Variants in SBF2 observed in about 807,000 individuals in gnomAD.
SBF2 encodes SET binding factor 2, also known as myotubularin-related protein 13.
A neutral mutation model predicts 225.2 loss-of-function variants in SBF2; 112 were observed. That is an observed-to-expected ratio of 0.50 (90% CI 0.43 to 0.58). SBF2 has a LOEUF of 0.58. Ranked by LOEUF, SBF2 falls within the 20% of genes least tolerant of loss-of-function variation. The probability of loss-of-function intolerance (pLI) is 0.00; values close to 1 mark genes in which losing one functional copy is unlikely to be tolerated. For synonymous variants in SBF2, 763 were observed against 773.3 expected (o/e 0.99, Z 0.22); for missense variants, 1,996 against 2,206.2 (o/e 0.90, Z 1.91).
chr11:10,071,041 C>T (rs547060575), intron 2 of SBF2, among the ~76,000 whole-genome samples: 1 of 152,278 alleles, frequency 6.6e-6, no homozygotes, highest in South Asian at 2.1e-4. Flanking sequence ...AGCTGCCTAT[C>T]AGCTTAAGGA....
chr11:9,990,738 T>G (rs992458915), intron 12 of SBF2, among the ~76,000 whole-genome samples: 1 of 152,136 alleles, frequency 6.6e-6, no homozygotes, highest in Admixed American at 6.5e-5. Context: ...AGACTATATT[T>G]GTACAAACAA....
In SBF2 at chr11:10,161,711, C is replaced by A. The variant is rs566221902; in HGVS notation, c.141+32191G>T. Among the ~76,000 whole-genome samples the A allele has an allele frequency of 2.0e-5, 3 of 151,498 alleles. No individual in the cohort carries two copies. The South Asian group carries it at 6.2e-4, about 31-fold the overall frequency. ...TTTTTAAAAGGAGGAAGAGGGTGGG[C>A]GTGGTGGCTCACGCCAGTAATCCCA... On this transcript the variant is annotated intron_variant, in intron 2 of 39. Transcript: ENST00000256190.
intron 2 of SBF2, among the ~76,000 whole-genome samples, chr11:10,176,457 G>GA (rs1956467897): frequency 6.6e-6 from 1 of 151,022 alleles, no homozygotes; most frequent in South Asian, 2.1e-4. Flanking sequence ...GACTAATAAA[G>GA]AAAAAAAGAG....
chr11:10,071,263 C>CTTTT lies in SBF2; in HGVS notation c.142-28283_142-28282insAAAA, dbSNP rs774979361. The stretch of plus-strand genomic sequence containing the variant: ...CGGTTTTCTCTTTTTTTCTCTCTCT[C>CTTTT]TCTTTTTTTTTTTTTTTTTTTGAGA... On this transcript the variant is annotated intron_variant, in intron 2 of 39. Coordinates refer to ENST00000256190, the MANE Select transcript of SBF2 (RefSeq NM_030962.4). 3.5e-3 allele frequency among the ~76,000 whole-genome samples: 432 copies of CTTTT among 124,796 alleles called. 7 individuals carry two copies. The highest frequency in any genetic ancestry group is 7.2e-3 in the Admixed American group (72 of 10,014). 81.9% of individuals were successfully genotyped at this position (124,796 alleles called of 152,430 possible). A position where few individuals can be genotyped will look rare whatever the true frequency, so the allele number is the denominator to read the frequency against.
At chr11:10,042,802 T>C (rs921759642) in intron 3 of SBF2, 42 bp downstream of exon 3, 7 of 1,606,538 alleles carry the variant, frequency 4.4e-6, no homozygotes, top group Non-Finnish European at 5.1e-6. Flanking sequence ...TTCCTAAATG[T>C]TGTACCTTCG....
chr11:10,121,840 T>A (rs1389734929), intron 2 of SBF2, among the ~76,000 whole-genome samples: 1 of 152,216 alleles, frequency 6.6e-6, no homozygotes, highest in Non-Finnish European at 1.5e-5. Context: ...ATGAAATCTG[T>A]CACCACTCCA....
At chr11:9,794,117 G>C (rs2133868540) in intron 33 of SBF2, among the ~76,000 whole-genome samples, 1 of 152,234 alleles carries the variant, frequency 6.6e-6, no homozygotes, top group South Asian at 2.1e-4. Context: ...CAGTGGCAGA[G>C]GTTGCAGTGA....
chr11:10,231,082 T>C lies in SBF2; in HGVS notation c.56-37095A>G, dbSNP rs529284392. 1.4e-3 allele frequency among the ~76,000 whole-genome samples: 209 copies of C among 152,322 alleles called. 2 individuals are homozygous for C. Among genetic ancestry groups the C allele is most frequent in the Admixed American group, 3.7e-3 (56 of 15,286 alleles). On this transcript the variant is annotated intron_variant, in intron 1 of 39. Transcript: ENST00000256190. The stretch of plus-strand genomic sequence containing the variant: ...ATTTCATCTTCCATCGCTGATACCC[T>C]TTCTTCCAGTTGATCGAATCGGCTA...
Position 9,908,366 on chromosome 11 carries a change from C to T in SBF2, c.1861-12355G>A, listed in dbSNP as rs540985204. On this transcript the variant is annotated intron_variant, in intron 16 of 39. Coordinates refer to ENST00000256190, the MANE Select transcript of SBF2 (RefSeq NM_030962.4). ...GGGGGCTTGGTGCGGTGGCTCACGC[C>T]TGTAATCCCAGCACTTTGGGAGGCC... Among the ~76,000 whole-genome samples the T allele has an allele frequency of 3.3e-5, 5 of 152,286 alleles. No individual in the cohort carries two copies. The South Asian group carries it at 1.0e-3, about 32-fold the overall frequency.
chr11:9,790,826 A>ATAAC (rs1852694725), intron 33 of SBF2, 143 bp from the exon 34 acceptor site: 1 of 636,064 alleles, frequency 1.6e-6, no homozygotes. Context: ...ACCTTAGAAA[A>ATAAC]TAACTGCAAA....
At chr11:10,129,101 T>A (rs1158510730) in intron 2 of SBF2, among the ~76,000 whole-genome samples, 1 of 78,778 alleles carries the variant, frequency 1.3e-5, no homozygotes, top group East Asian at 5.0e-4. Flanking sequence ...ATTTTCTCTC[T>A]TTTTTTTTTT....
At chr11:9,958,231 T>C (rs1261564604) in intron 16 of SBF2, 1 of 152,090 alleles carries the variant, frequency 6.6e-6, no homozygotes, top group East Asian at 1.9e-4. Flanking sequence ...GCTTCAGTGA[T>C]AGGGAAAGAA....
At chr11:10,260,093 C>T (rs1468223355) in intron 1 of SBF2, among the ~76,000 whole-genome samples, 2 of 152,110 alleles carry the variant, frequency 1.3e-5, no homozygotes, top group Admixed American at 6.5e-5. Flanking sequence ...TCCTGCCTGA[C>T]AGCAAAATAG....
chr11:10,230,301 A>T (rs568506365), intron 1 of SBF2, among the ~76,000 whole-genome samples: 2 of 151,792 alleles, frequency 1.3e-5, no homozygotes, highest in African/African-American at 4.8e-5. Flanking sequence ...GAGCATTTAG[A>T]CCATTTACAT....
intron 2 of SBF2, among the ~76,000 whole-genome samples, chr11:10,107,182 G>T (rs1329382243): frequency 6.6e-6 from 1 of 152,206 alleles, no homozygotes; most frequent in African/African-American, 2.4e-5. Flanking sequence ...CAAGGGAAAT[G>T]AAATCATGTG....
chr11:10,287,968 TG>T, intron 1 of SBF2, among the ~76,000 whole-genome samples: 1 of 152,252 alleles, frequency 6.6e-6, no homozygotes, highest in Non-Finnish European at 1.5e-5. Context: ...CTCCAGGTGC[TG>T]GCATAAGTGC....
intron 6 of SBF2, among the ~76,000 whole-genome samples, chr11:10,012,065 C>A (rs887053282): frequency 6.6e-6 from 1 of 152,174 alleles, no homozygotes; most frequent in Non-Finnish European, 1.5e-5. Flanking sequence ...TGGATCATTT[C>A]TATTGGTCTT....
At chr11:10,301,354 A>C (rs1213438223) in intron 1 of SBF2, among the ~76,000 whole-genome samples, 1 of 152,198 alleles carries the variant, frequency 6.6e-6, no homozygotes, top group Non-Finnish European at 1.5e-5. Flanking sequence ...CAGAGATCCC[A>C]AAAAAGTGCC....
At position 10,031,357 on chromosome 11, in the gene SBF2, T is replaced by A. The variant is rs148065267; in HGVS notation, c.280-187A>T. Among the ~76,000 whole-genome samples, 137 of 152,322 alleles carry A rather than the reference T, an allele frequency of 9.0e-4. 1 individual carries two copies. The East Asian group carries it at 0.022, about 24-fold the overall frequency. ...TTCTAAAAGTAAAGTAGACAAATTATGAAGCCGGGAATACTTATTTCATTT... is the reference window on the plus strand; with the variant it reads ...TTCTAAAAGTAAAGTAGACAAATTAAGAAGCCGGGAATACTTATTTCATTT... On this transcript the variant is annotated intron_variant, in intron 3 of 39. Transcript: ENST00000256190.
Sources: gnomAD v4.1 joint callset for allele counts (sites outside exome capture counted in the v4.1 genomes callset) on GRCh38, gnomAD v4.1.1 for gene constraint, MANE v1.5 for transcripts, NCBI Gene and HGNC (gene_info 2026-07-23, HGNC 2026-07-21) for gene names.